The following MYO5C variants were observed in gnomAD, a reference collection of about 807,000 sequenced individuals.
MYO5C encodes the protein unconventional myosin-Vc.
In MYO5C, 194 loss-of-function variants were observed where a neutral mutation model predicts 235.7. That is an observed-to-expected ratio of 0.82 (90% CI 0.73 to 0.93). The LOEUF is 0.93. MYO5C is among the 40% of genes least tolerant of loss of function. The probability of loss-of-function intolerance (pLI) is 0.00; values close to 1 mark genes in which losing one functional copy is unlikely to be tolerated. For synonymous variants in MYO5C, 707 were observed against 754.8 expected (o/e 0.94, Z 1.04); for missense variants, 2,038 against 2,127.2 (o/e 0.96, Z 0.82).
At chr15:52,227,817 G>A (rs528824942) in intron 25 of MYO5C, among the ~76,000 whole-genome samples, 41 of 152,260 alleles carry the variant, frequency 2.7e-4, no homozygotes, top group South Asian at 8.3e-4. Flanking sequence ...GTGGCCACCC[G>A]GATGCAATTC....
chr15:52,256,242 T>C (rs1022544924), intron 11 of MYO5C, among the ~76,000 whole-genome samples: 1 of 151,980 alleles, frequency 6.6e-6, no homozygotes, highest in Non-Finnish European at 1.5e-5. Context: ...AAGCTGGAGT[T>C]GGCCACGTGA....
At chr15:52,288,957 G>T (rs1006756013) in intron 1 of MYO5C, among the ~76,000 whole-genome samples, 2 of 152,132 alleles carry the variant, frequency 1.3e-5, no homozygotes, top group Non-Finnish European at 2.9e-5. Flanking sequence ...TTCTCACGCC[G>T]CCTGCTTTTC....
At chr15:52,259,618 T>C (rs74015650) in intron 10 of MYO5C, among the ~76,000 whole-genome samples, 1 of 152,366 alleles carries the variant, frequency 6.6e-6, no homozygotes, top group East Asian at 1.9e-4. Context: ...AACTGGCTGC[T>C]CAAACACTTT....
Position 52,264,214 on chromosome 15 carries a change from C to T in MYO5C, c.1023G>A (p.Val341=), listed in dbSNP as rs1037735394. The T allele has an allele frequency of 1.4e-5, 23 of 1,613,620 alleles. No individual in the cohort carries two copies. Among genetic ancestry groups the T allele is most frequent in the Non-Finnish European group, 1.9e-5 (22 of 1,179,712 alleles). Residue 341 remains valine, a synonymous_variant, in exon 9 of 41, where the codon GTG becomes GTA. Transcript: ENST00000261839. ...CACTAACTGAGGACCTCTCGTTGCC[C>T]ACCGCGGTGATCTGCACATTGCCCA... is the stretch of plus-strand genomic sequence containing the variant. The part of the protein sequence containing the change: ...LHLGNVQITA[V]GNERSSVSED...
At chr15:52,201,638 A>G (rs890587979) in intron 38 of MYO5C, among the ~76,000 whole-genome samples, 4 of 152,218 alleles carry the variant, frequency 2.6e-5, no homozygotes, top group African/African-American at 9.6e-5. Flanking sequence ...CTGGTTGAGT[A>G]TAATAGACTA....
At chr15:52,280,693 C>T (rs1272930616) in intron 2 of MYO5C, among the ~76,000 whole-genome samples, 2 of 152,228 alleles carry the variant, frequency 1.3e-5, no homozygotes, top group African/African-American at 4.8e-5. Flanking sequence ...ACTGTGCAGA[C>T]CCCATGCCAA....
intron 38 of MYO5C, among the ~76,000 whole-genome samples, chr15:52,201,921 A>T (rs2035196727): frequency 6.1e-3 from 4 of 652 alleles, no homozygotes; most frequent in Non-Finnish European, 0.037. Flanking sequence ...GATAATACTA[A>T]AAAAAAAAAA....
intron 12 of MYO5C, among the ~76,000 whole-genome samples, chr15:52,252,495 G>T (rs1324096937): frequency 6.6e-6 from 1 of 151,670 alleles, no homozygotes; most frequent in Non-Finnish European, 1.5e-5. Context: ...ACAAAAATTG[G>T]CCGGGCGCAG....
At position 52,279,128 on chromosome 15, in the gene MYO5C, C is replaced by T. The variant is rs997215275; in HGVS notation, c.305-111G>A. 4 of 1,196,982 alleles carry T rather than the reference C, an allele frequency of 3.3e-6. No homozygotes were observed. The African/African-American group carries it at 6.1e-5, about 18-fold the overall frequency. 74.1% of individuals were successfully genotyped at this position (1,196,982 alleles called of 1,614,324 possible). ...GTCGCTTATTAAACCTTCTGTGTGA[C>T]TTTGGGCAAGTCACTTCACGCACTG... is the stretch of plus-strand genomic sequence containing the variant. On this transcript the variant is annotated intron_variant, in intron 3 of 40. Transcript: ENST00000261839.
At chr15:52,246,641 C>A (rs896154248) in intron 16 of MYO5C, among the ~76,000 whole-genome samples, 2 of 152,146 alleles carry the variant, frequency 1.3e-5, no homozygotes, top group Non-Finnish European at 1.5e-5. Flanking sequence ...AACACACATA[C>A]TCATTCTTCT....
At chr15:52,236,472 C>T (rs1409576140) in intron 22 of MYO5C, among the ~76,000 whole-genome samples, 2 of 152,158 alleles carry the variant, frequency 1.3e-5, no homozygotes, top group East Asian at 3.9e-4. Flanking sequence ...GTCAGGAGTT[C>T]GAGACCAGCT....
chr15:52,231,175 C>T (rs2035944380), intron 24 of MYO5C, among the ~76,000 whole-genome samples: 2 of 152,160 alleles, frequency 1.3e-5, no homozygotes, highest in Non-Finnish European at 2.9e-5. Flanking sequence ...CTGAGCTGGT[C>T]AGGAGGGTGC....
intron 5 of MYO5C, among the ~76,000 whole-genome samples, chr15:52,273,969 A>G (rs1314952714): frequency 6.6e-6 from 1 of 151,886 alleles, no homozygotes; most frequent in Non-Finnish European, 1.5e-5. Flanking sequence ...CACTCAACCA[A>G]AAAACTGCTC....
chr15:52,224,446 G>A (rs905813557), intron 28 of MYO5C, among the ~76,000 whole-genome samples: 1 of 152,190 alleles, frequency 6.6e-6, no homozygotes, highest in African/African-American at 2.4e-5. Flanking sequence ...ACCAGTCATA[G>A]TAAACACATC....
At chr15:52,292,544 G>C (rs2037414836) in intron 1 of MYO5C, among the ~76,000 whole-genome samples, 1 of 152,208 alleles carries the variant, frequency 6.6e-6, no homozygotes, top group African/African-American at 2.4e-5. Context: ...TCTGAGGATG[G>C]CATCTAGCAC....
chr15:52,232,206 GGA>G (rs2035970201), intron 24 of MYO5C, among the ~76,000 whole-genome samples: 3 of 107,052 alleles, frequency 2.8e-5, no homozygotes, highest in East Asian at 2.5e-4. Context: ...AAGGAAGGAA[GGA>G]AAAGAAAGAA....
chr15:52,256,823 C>A, intron 10 of MYO5C, 103 bp from the exon 11 acceptor site: 1 of 840,098 alleles, frequency 1.2e-6, no homozygotes, highest in Non-Finnish European at 1.9e-6. Context: ...TTTGCTATGT[C>A]TTCTACAAGT....
At chr15:52,273,798 G>A (rs777841939) in intron 5 of MYO5C, among the ~76,000 whole-genome samples, 1 of 152,128 alleles carries the variant, frequency 6.6e-6, no homozygotes, top group Non-Finnish European at 1.5e-5. Context: ...AGCCCAGACT[G>A]ACCAGAACAC....
intron 37 of MYO5C, chr15:52,205,545 G>A (rs1022269027): frequency 3.0e-5 from 10 of 335,624 alleles, no homozygotes; most frequent in Non-Finnish European, 5.4e-5. Context: ...AGAAGTAGAA[G>A]TACCACATAA....
Sources: gnomAD v4.1 joint callset for allele counts (sites outside exome capture counted in the v4.1 genomes callset) on GRCh38, gnomAD v4.1.1 for gene constraint, MANE v1.5 for transcripts, NCBI Gene and HGNC (gene_info 2026-07-23, HGNC 2026-07-21) for gene names.